The following IRS2 variants were observed in gnomAD, a reference collection of about 807,000 sequenced individuals.
The protein encoded by IRS2 is insulin receptor substrate 2.
In IRS2, 28 loss-of-function variants were observed where a neutral mutation model predicts 70.9. That is an observed-to-expected ratio of 0.39 (90% CI 0.29 to 0.54). The LOEUF (loss-of-function observed/expected upper bound fraction) is 0.54, where lower values mean the gene tolerates loss of function less well. Among genes scored for constraint, IRS2 ranks in the 20% least tolerant of loss-of-function variants. The pLI is 0.59. For synonymous variants in IRS2, 1,217 were observed against 981.9 expected, an observed-to-expected ratio of 1.24 and a Z score of -4.48; for missense variants, 2,081 against 2,024.1, an observed-to-expected ratio of 1.03 and a Z score of -0.54.
intron 1 of IRS2, among the ~76,000 whole-genome samples, chr13:109,775,384 G>A (rs952147572): frequency 1.3e-5 from 2 of 151,952 alleles, no homozygotes; most frequent in African/African-American, 4.8e-5. Context: ...CTCCCAAAGC[G>A]CTGGGATTAC....
At position 109,756,219 on chromosome 13, in the gene IRS2, G is replaced by T; in HGVS notation, c.*85C>A. 8.4e-7 allele frequency: 1 copy of T among 1,195,320 alleles called. No homozygotes were observed. The highest frequency in any genetic ancestry group is 1.3e-6 in the Non-Finnish European group (1 of 798,614). 74.0% of individuals were successfully genotyped at this position (1,195,320 alleles called of 1,614,324 possible). A position where few individuals can be genotyped will look rare whatever the true frequency, so the allele number is the denominator to read the frequency against. On this transcript the variant is annotated 3_prime_UTR_variant, in exon 2 of 2. Transcript: ENST00000375856. Reference sequence around the variant, plus strand: ...CAGATCCAAAAGAAAACTGCAAGCAGCTTCGGGCTGAAACAGTGCTGAGCG... The same window carrying T: ...CAGATCCAAAAGAAAACTGCAAGCATCTTCGGGCTGAAACAGTGCTGAGCG...
In IRS2 at chr13:109,757,315, A is replaced by G. The variant is rs557092570; in HGVS notation, c.4013-1007T>C. Among the ~76,000 whole-genome samples, 25 of 152,300 alleles carry G rather than the reference A, an allele frequency of 1.6e-4. No individual in the cohort carries two copies. The South Asian group carries it at 5.0e-3, about 30-fold the overall frequency. On this transcript the variant is annotated intron_variant, in intron 1 of 1. Coordinates refer to ENST00000375856, the MANE Select transcript of IRS2 (RefSeq NM_003749.3). ...CACCGCTTTGCTCTCAAACAGGTACATTTCCTTCCTTTGCAGATGCATTTA... is the reference window on the plus strand; with the variant it reads ...CACCGCTTTGCTCTCAAACAGGTACGTTTCCTTCCTTTGCAGATGCATTTA...
rs1365795413 is a variant in IRS2 at position 109,772,741 on chromosome 13, TGC to T, written c.4012+9299_4012+9300del. Among the ~76,000 whole-genome samples the T allele has an allele frequency of 5.8e-3, 866 of 148,554 alleles. 3 individuals are homozygous for T. The highest frequency in any genetic ancestry group is 9.8e-3 in the Non-Finnish European group (655 of 67,154). Reference sequence around the variant, plus strand: ...TCTCGCTCTGTCGGCCAGGCCGGACTGCGGACTGCAGTGGCGCGATCTCGGCT... The same window carrying T: ...TCTCGCTCTGTCGGCCAGGCCGGACTGGACTGCAGTGGCGCGATCTCGGCT... On this transcript the variant is annotated intron_variant, in intron 1 of 1. Transcript: ENST00000375856.
intron 1 of IRS2, among the ~76,000 whole-genome samples, chr13:109,771,696 T>A (rs897633693): frequency 6.6e-6 from 1 of 152,236 alleles, no homozygotes; most frequent in Non-Finnish European, 1.5e-5. Context: ...AGAATAAAAC[T>A]GAAGCAAAGC....
At chr13:109,765,017 A>G (rs192840253) in intron 1 of IRS2, among the ~76,000 whole-genome samples, 1 of 152,226 alleles carries the variant, frequency 6.6e-6, no homozygotes, top group African/African-American at 2.4e-5. Context: ...TCACATGTCT[A>G]CTACTCAGGC....
chr13:109,783,081 C>T lies in IRS2; in HGVS notation c.2973G>A (p.Pro991=), dbSNP rs772378244. ...CCACGGGGTGGCCGCTCGGGGCGCC[C>T]GGCTTAGGAGACTTGGGGGAGCTGA... ...LDFSSPKSPK[P]GAPSGHPVGS... is the part of the protein sequence containing the mutation. Residue 991 remains proline, a synonymous_variant, in exon 1 of 2, where the codon CCG becomes CCA. Transcript: ENST00000375856. 1 of 1,382,864 alleles carries T rather than the reference C, an allele frequency of 7.2e-7. No individual in the cohort carries two copies. Among genetic ancestry groups the T allele is most frequent in the Admixed American group, 3.5e-5 (1 of 28,802 alleles). The allele number at this position is 1,382,864 out of a possible 1,614,324, so 85.7% of individuals were successfully genotyped here.
chr13:109,785,062 A>G lies in IRS2; in HGVS notation c.992T>C (p.Leu331Pro), dbSNP rs2138937375. 6.4e-7 allele frequency: 1 copy of G among 1,565,400 alleles called. No homozygotes were observed. ...GARRHHHLVN[L>P]PPSQTGLVRR... ...CACCAGGCCCGTCTGGCTGGGGGGC[A>G]GGTTGACCAGGTGGTGGTGGCGGCG... The change falls in exon 1 of 2, where the codon CTG becomes CCG. Residue 331 changes from leucine to proline, a missense_variant. Transcript: ENST00000375856. This position sits in a 1 kb window ranked among gnomAD's most constrained non-coding sequence, Gnocchi z 9.3.
Position 109,782,683 on chromosome 13 carries a change from C to G in IRS2, c.3371G>C (p.Ser1124Thr). ...GCCGCGGTGGGGGTCCGGGGGCTGG[C>G]TGGCCTGCAGGAAGGCCTCGACTCC... Reference protein sequence around the residue: ...VSGVEAFLQASQPPDPHRGAK... With the variant: ...VSGVEAFLQATQPPDPHRGAK... The change falls in exon 1 of 2, where the codon AGC (serine) becomes ACC (threonine). Residue 1124 changes from serine (S) to threonine (T), a missense_variant. Physicochemically the swap from Ser to Thr is moderately conservative, Grantham distance 58. Coordinates refer to ENST00000375856, the MANE Select transcript of IRS2 (RefSeq NM_003749.3). 6.3e-7 allele frequency: 1 copy of G among 1,578,248 alleles called. No individual in the cohort carries two copies. Among genetic ancestry groups the G allele is most frequent in the Non-Finnish European group, 8.6e-7 (1 of 1,163,762 alleles).
Position 109,784,573 on chromosome 13 carries a change from T to A in IRS2, c.1481A>T (p.Asp494Val), listed in dbSNP as rs1188777911. The A allele has an allele frequency of 7.2e-7, 1 of 1,394,078 alleles. No homozygotes were observed. Among genetic ancestry groups the A allele is most frequent in the East Asian group, 2.9e-5 (1 of 35,028 alleles). 86.4% of individuals were successfully genotyped at this position (1,394,078 alleles called of 1,614,324 possible). A position where few individuals can be genotyped will look rare whatever the true frequency, so the allele number is the denominator to read the frequency against. The change falls in exon 1 of 2, where the codon GAC becomes GTC. Residue 494 changes from aspartate (D) to valine (V), a missense_variant. Physicochemically the swap from Asp to Val is radical, Grantham distance 152. Around this residue, in one of 4 missense-constraint regions of IRS2, gnomAD observed 1,615 missense variants for 1,459.5 expected, o/e 1.11. Transcript: ENST00000375856. This position sits in a 1 kb window ranked among gnomAD's most constrained non-coding sequence, Gnocchi z 5.2. ...CTCGTCCAGGGACATGAAGCCGGGG[T>A]CGCTGGGGGAGCCCGAGGCGGAGGC... ...GSASASGSPS[D>V]PGFMSLDEYG...
At position 109,783,507 on chromosome 13, in the gene IRS2, C is replaced by G; in HGVS notation, c.2547G>C (p.Gln849His). 6.5e-7 allele frequency: 1 copy of G among 1,547,342 alleles called. No homozygotes were observed. The highest frequency in any genetic ancestry group is 8.7e-7 in the Non-Finnish European group (1 of 1,146,066). Residue 849 changes from glutamine to histidine, a missense_variant, in exon 1 of 2, where the codon CAG (glutamine) becomes CAC (histidine). Gln to His is a conservative substitution (Grantham distance 24). Transcript: ENST00000375856. ...LEPQATPGPSQAASAFGAGPT... is the reference protein window; with the variant it reads ...LEPQATPGPSHAASAFGAGPT... ...GGCCGGCCCCGAAGGCGCTGGCCGCCTGGCTGGGCCCTGGCGTGGCCTGAG... is the reference window on the plus strand; with the variant it reads ...GGCCGGCCCCGAAGGCGCTGGCCGCGTGGCTGGGCCCTGGCGTGGCCTGAG...
intron 1 of IRS2, among the ~76,000 whole-genome samples, chr13:109,759,267 T>C (rs1245174074): frequency 6.6e-6 from 1 of 152,190 alleles, no homozygotes; most frequent in Non-Finnish European, 1.5e-5. Context: ...GCCTGTGGTT[T>C]TGCTCCCCAG....
rs755506111 is a variant in IRS2, at chr13:109,784,203, G to A, written c.1851C>T (p.Pro617=). The A allele has an allele frequency of 4.0e-5, 63 of 1,572,796 alleles. No homozygotes were observed. Among genetic ancestry groups the A allele is most frequent in the Non-Finnish European group, 5.0e-5 (58 of 1,160,026 alleles). ...GGTAGGCCACCTTGGGAGAGGACGC[G>A]GGGCAGGACGGGCAGAGGCGGCCCG... ...GSAGRLCPSC[P]ASSPKVAYHP... is the part of the protein sequence containing the mutation. The change falls in exon 1 of 2, where the codon CCC becomes CCT. Residue 617 remains proline, a synonymous_variant. Coordinates refer to ENST00000375856, the MANE Select transcript of IRS2 (RefSeq NM_003749.3). This position sits in a 1 kb window ranked among gnomAD's most constrained non-coding sequence, Gnocchi z 5.2.
chr13:109,768,041 A>G (rs940994817), intron 1 of IRS2, among the ~76,000 whole-genome samples: 1 of 152,152 alleles, frequency 6.6e-6, no homozygotes, highest in African/African-American at 2.4e-5. Context: ...CAGTGTGACC[A>G]TTTAAACATT....
intron 1 of IRS2, among the ~76,000 whole-genome samples, chr13:109,756,663 T>A (rs545516957): frequency 6.6e-6 from 1 of 152,356 alleles, no homozygotes; most frequent in East Asian, 1.9e-4. Flanking sequence ...TGTGATGGAA[T>A]GACCCCTGTA....
chr13:109,784,471 G>A lies in IRS2; in HGVS notation c.1583C>T (p.Pro528Leu), dbSNP rs1416939931. The A allele has an allele frequency of 1.3e-6, 2 of 1,581,426 alleles. No individual in the cohort carries two copies. Among genetic ancestry groups the A allele is most frequent in the Non-Finnish European group, 8.6e-7 (1 of 1,161,322 alleles). The change falls in exon 1 of 2, where the codon CCC becomes CTC. Residue 528 changes from proline (P) to leucine (L), a missense_variant. Around this residue, in one of 4 missense-constraint regions of IRS2, gnomAD observed 1,615 missense variants for 1,459.5 expected, o/e 1.11. Coordinates refer to ENST00000375856, the MANE Select transcript of IRS2 (RefSeq NM_003749.3). This position sits in a 1 kb window ranked among gnomAD's most constrained non-coding sequence, Gnocchi z 5.2. The part of the protein sequence containing the change: ...SNTPESIAET[P>L]PARDGGGGGE... Reference sequence around the variant, plus strand: ...GCCGCCGCCGCCGTCTCGGGCCGGGGGCGTCTCCGCGATGGACTCGGGCGT... The same window carrying A: ...GCCGCCGCCGCCGTCTCGGGCCGGGAGCGTCTCCGCGATGGACTCGGGCGT...
At position 109,756,127 on chromosome 13, in the gene IRS2, GGT is replaced by G. The variant is rs1162138297; in HGVS notation, c.*175_*176del. On this transcript the variant is annotated 3_prime_UTR_variant, in exon 2 of 2. Coordinates refer to ENST00000375856, the MANE Select transcript of IRS2 (RefSeq NM_003749.3). Reference sequence around the variant, plus strand: ...CATCCGGGAACAAGGGAAAGAGGCAGGTGACCTTGCCTTGTTGGTGCCTCATC... The same window carrying G: ...CATCCGGGAACAAGGGAAAGAGGCAGGACCTTGCCTTGTTGGTGCCTCATC... 3 of 609,792 alleles carry G rather than the reference GGT, an allele frequency of 4.9e-6. No homozygotes were observed. The highest frequency in any genetic ancestry group is 3.0e-6 in the Non-Finnish European group (1 of 334,778). The allele number at this position is 609,792 out of a possible 1,614,324, so 37.8% of individuals were successfully genotyped here.
chr13:109,779,034 A>G (rs1382053053), intron 1 of IRS2, among the ~76,000 whole-genome samples: 1 of 152,176 alleles, frequency 6.6e-6, no homozygotes, highest in East Asian at 1.9e-4. Context: ...AGTAACCTTA[A>G]CCTGCCCTCA....
chr13:109,786,099 T>A lies in IRS2; in HGVS notation c.-46A>T. On this transcript the variant is annotated 5_prime_UTR_variant, in exon 1 of 2. Coordinates refer to ENST00000375856, the MANE Select transcript of IRS2 (RefSeq NM_003749.3). The surrounding 1 kb of genome is among the most constrained non-coding windows in gnomAD (Gnocchi z 4.4). ...CGGCCCGGGCCCGGCGCCCAGGGGT[T>A]GGGGCGAGGGGCGGAGGGGGCGCGG... 3 of 999,312 alleles carry A rather than the reference T, an allele frequency of 3.0e-6. No individual in the cohort carries two copies. Among genetic ancestry groups the A allele is most frequent in the Non-Finnish European group, 3.6e-6 (3 of 841,008 alleles). The allele number at this position is 999,312 out of a possible 1,614,324, so 61.9% of individuals were successfully genotyped here. A position where few individuals can be genotyped will look rare whatever the true frequency, so the allele number is the denominator to read the frequency against.
At chr13:109,781,490 G>T (rs1178142407) in intron 1 of IRS2, among the ~76,000 whole-genome samples, 1 of 152,204 alleles carries the variant, frequency 6.6e-6, no homozygotes, top group Non-Finnish European at 1.5e-5. Context: ...GTGTAAAACG[G>T]AAATGGTTAA....
Sources: gnomAD v4.1 joint callset for allele counts (sites outside exome capture counted in the v4.1 genomes callset) on GRCh38, gnomAD v4.1.1 for gene constraint, gnomAD v4.1.1 regional missense constraint, Gnocchi (gnomAD v3.1) non-coding constraint, MANE v1.5 for transcripts, NCBI Gene and HGNC (gene_info 2026-07-23, HGNC 2026-07-21) for gene names.